KIAA0930: variants seen among roughly 807,000 people sequenced by gnomAD.
The protein encoded by KIAA0930 is uncharacterized protein KIAA0930.
In KIAA0930, 24 loss-of-function variants were observed where a neutral mutation model predicts 43.9. That is an observed-to-expected ratio of 0.55 (90% CI 0.40 to 0.77). The LOEUF is 0.77. Among genes scored for constraint, KIAA0930 ranks in the 30% least tolerant of loss-of-function variants. The probability of loss-of-function intolerance (pLI) is 0.00; values close to 1 mark genes in which losing one functional copy is unlikely to be tolerated. For synonymous variants in KIAA0930, 259 were observed against 216.4 expected (o/e 1.20, Z -1.73); for missense variants, 461 against 574.2 (o/e 0.80, Z 2.02).
At chr22:45,225,288 G>A (rs9615068) in intron 1 of KIAA0930, among the ~76,000 whole-genome samples, 2 of 152,092 alleles carry the variant, frequency 1.3e-5, no homozygotes, top group Non-Finnish European at 2.9e-5. Context: ...TGTCCAGGGA[G>A]GCCCCTGGCT....
At chr22:45,205,450 G>A (rs2083627950) in intron 4 of KIAA0930, 132 bp from the exon 5 acceptor site, 2 of 919,536 alleles carry the variant, frequency 2.2e-6, no homozygotes, top group Non-Finnish European at 3.4e-6. Flanking sequence ...AGGAGATGTG[G>A]GGGATAAGCT....
In KIAA0930 at chr22:45,196,748, C is replaced by T. The variant is rs201240731; in HGVS notation, c.*428G>A. On this transcript the variant is annotated 3_prime_UTR_variant, in exon 10 of 10. Transcript: ENST00000336156. This position sits in a 1 kb window ranked among gnomAD's most constrained non-coding sequence, Gnocchi z 4.1. ...TCCAGAATCTTCCACCGGCTTTCCT[C>T]AAGAACATGTGGACAGTCCAATGCA... 977 of 170,822 alleles carry T rather than the reference C, an allele frequency of 5.7e-3. 13 individuals carry two copies. The highest frequency in any genetic ancestry group is 0.022 in the African/African-American group (924 of 42,328). 10.6% of individuals were successfully genotyped at this position (170,822 alleles called of 1,614,324 possible).
intron 1 of KIAA0930, 134 bp downstream of exon 1, chr22:45,240,506 C>T: frequency 1.8e-6 from 1 of 560,496 alleles, no homozygotes; most frequent in Non-Finnish European, 3.1e-6. Flanking sequence ...GACAGGGTAC[C>T]CAGGCAGACC....
intron 1 of KIAA0930, among the ~76,000 whole-genome samples, chr22:45,234,737 C>A (rs2083876341): frequency 1.3e-5 from 2 of 152,184 alleles, no homozygotes; most frequent in Non-Finnish European, 2.9e-5. Context: ...CACATGAGAC[C>A]AATTAAGTAA....
chr22:45,202,826 A>C lies in KIAA0930; in HGVS notation c.852+164T>G, dbSNP rs570735818. 1.6e-4 allele frequency: 92 copies of C among 570,118 alleles called. 2 individuals carry two copies. Among genetic ancestry groups the C allele is most frequent in the African/African-American group, 1.5e-3 (80 of 51,914 alleles). 35.3% of individuals were successfully genotyped at this position (570,118 alleles called of 1,614,324 possible). The stretch of plus-strand genomic sequence containing the variant: ...CTCCTACAAACCGCTAGGCAAAGAG[A>C]AGGGCTGGGTGGTCCGGGCCTCCGC... On this transcript the variant is annotated intron_variant, in intron 7 of 9. Transcript: ENST00000336156.
intron 2 of KIAA0930, among the ~76,000 whole-genome samples, chr22:45,208,329 CACATGAGCTGTGAGAACAG>C (rs2083657604): frequency 2.0e-5 from 3 of 150,106 alleles, no homozygotes; most frequent in African/African-American, 7.3e-5. Context: ...CGACTCCACA[CACATGAGCTGTGAGAACAG>C]GCAGAACCAC....
At chr22:45,213,360 G>A in intron 1 of KIAA0930, 3 of 1,303,690 alleles carry the variant, frequency 2.3e-6, no homozygotes, top group Non-Finnish European at 3.0e-6. Flanking sequence ...CTCTAGGGCA[G>A]TGAGAGGGAG....
In KIAA0930 at chr22:45,207,038, G is replaced by A. The variant is rs547425701; in HGVS notation, c.217-1126C>T. The stretch of plus-strand genomic sequence containing the variant: ...ATTTATTGTTTTGAGACGGAGTCTC[G>A]CTCTGTCACCCGGGCTGGAGTACAG... On this transcript the variant is annotated intron_variant, in intron 2 of 9. Coordinates refer to ENST00000336156, the MANE Select transcript of KIAA0930 (RefSeq NM_001009880.2). Among the ~76,000 whole-genome samples, 23 of 150,776 alleles carry A rather than the reference G, an allele frequency of 1.5e-4. 2 individuals carry two copies. The South Asian group carries it at 3.8e-3, about 25-fold the overall frequency.
At chr22:45,221,961 T>G (rs1029959854) in intron 1 of KIAA0930, among the ~76,000 whole-genome samples, 2 of 152,200 alleles carry the variant, frequency 1.3e-5, no homozygotes, top group African/African-American at 2.4e-5. Flanking sequence ...CTCAAACTCC[T>G]GACCTCAGGT....
intron 1 of KIAA0930, chr22:45,212,630 G>T: frequency 1.7e-6 from 2 of 1,182,460 alleles, no homozygotes; most frequent in Non-Finnish European, 2.2e-6. Flanking sequence ...CAGGGAGACA[G>T]CACCCGCCCC....
intron 1 of KIAA0930, 165 bp from the exon 2 acceptor site, chr22:45,212,272 G>A (rs1365188948): frequency 6.2e-7 from 1 of 1,613,386 alleles, no homozygotes; most frequent in East Asian, 2.2e-5. Flanking sequence ...CACCCATGGA[G>A]CATCCAGAGA....
chr22:45,207,871 G>A (rs1263568313), intron 2 of KIAA0930: 1 of 169,250 alleles, frequency 5.9e-6, no homozygotes, highest in Non-Finnish European at 1.5e-5. Context: ...TGGTTCTGCA[G>A]TCACCCCGAG....
chr22:45,204,086 T>C, intron 5 of KIAA0930, 101 bp from the exon 6 acceptor site: 2 of 1,502,696 alleles, frequency 1.3e-6, no homozygotes, highest in Non-Finnish European at 1.8e-6. Context: ...GAAAACCCCA[T>C]TTTGCAGGGG....
chr22:45,225,383 G>A (rs1002670169), intron 1 of KIAA0930, among the ~76,000 whole-genome samples: 3 of 152,178 alleles, frequency 2.0e-5, no homozygotes, highest in Admixed American at 2.0e-4. Flanking sequence ...TGACCAAAGG[G>A]AAGCGTGGGG....
chr22:45,222,375 G>C (rs2083772519), intron 1 of KIAA0930, among the ~76,000 whole-genome samples: 1 of 152,150 alleles, frequency 6.6e-6, no homozygotes, highest in Non-Finnish European at 1.5e-5. Context: ...GAGTCCAGTA[G>C]CACAATCACT....
intron 2 of KIAA0930, among the ~76,000 whole-genome samples, chr22:45,208,959 C>T (rs542156404): frequency 7.0e-4 from 107 of 152,322 alleles, no homozygotes; most frequent in South Asian, 1.2e-3. Context: ...AGCCAGGTCC[C>T]CCTCCTGCCA....
Position 45,202,977 on chromosome 22 carries a change from G to A in KIAA0930, c.852+13C>T. 6.3e-7 allele frequency: 1 copy of A among 1,590,844 alleles called. No homozygotes were observed. The highest frequency in any genetic ancestry group is 8.6e-7 in the Non-Finnish European group (1 of 1,167,638). ...CGGATGGGAGCCCCCGCCCCCAGCTGTGCAGCCCTTACCCGCTCGTGCATG... is the reference window on the plus strand; with the variant it reads ...CGGATGGGAGCCCCCGCCCCCAGCTATGCAGCCCTTACCCGCTCGTGCATG... On this transcript the variant is annotated intron_variant, in intron 7 of 9. Coordinates refer to ENST00000336156, the MANE Select transcript of KIAA0930 (RefSeq NM_001009880.2).
intron 1 of KIAA0930, among the ~76,000 whole-genome samples, chr22:45,237,782 G>A (rs1376674061): frequency 2.0e-5 from 3 of 152,172 alleles, no homozygotes; most frequent in Non-Finnish European, 4.4e-5. Flanking sequence ...TTCAGTGGAC[G>A]CAGAAGTGCT....
chr22:45,214,524 C>T (rs946316411), intron 1 of KIAA0930, among the ~76,000 whole-genome samples: 1 of 152,188 alleles, frequency 6.6e-6, no homozygotes, highest in South Asian at 2.1e-4. Context: ...AAGGCGGAAT[C>T]GTAGTGACTT....
Sources: allele counts gnomAD v4.1 joint callset (sites outside exome capture counted in the v4.1 genomes callset), GRCh38; gene constraint gnomAD v4.1.1; non-coding constraint Gnocchi (gnomAD v3.1); transcripts MANE v1.5; gene names NCBI Gene and HGNC (gene_info 2026-07-23, HGNC 2026-07-21).